DMBT1: variants seen among roughly 807,000 people sequenced by gnomAD.
DMBT1 encodes the protein scavenger receptor cysteine-rich domain-containing protein DMBT1.
Under a neutral mutation model 252.9 loss-of-function variants are expected in DMBT1, and 198 were observed. That is an observed-to-expected ratio of 0.78 (90% CI 0.70 to 0.88). The LOEUF is 0.88. DMBT1 is among the 40% of genes least tolerant of loss of function. The pLI, the probability that DMBT1 is intolerant of heterozygous loss-of-function variation, is 0.00. For missense variants in DMBT1, 2,432 were observed against 2,404.7 expected, an observed-to-expected ratio of 1.01 and a Z score of -0.24; for synonymous variants, 990 against 942.7, an observed-to-expected ratio of 1.05 and a Z score of -0.92.
intron 27 of DMBT1, 50 bp downstream of exon 27, chr10:122,600,143 T>A (rs1409518655): frequency 1.3e-5 from 20 of 1,591,092 alleles, no homozygotes; most frequent in Non-Finnish European, 1.7e-5. Context: ...TTCTGCCCAA[T>A]CACCCCTTCC....
At chr10:122,571,127 T>A (rs1255066941) in intron 4 of DMBT1, among the ~76,000 whole-genome samples, 190 bp downstream of exon 4, 2 of 152,226 alleles carry the variant, frequency 1.3e-5, no homozygotes, top group African/African-American at 4.8e-5. Flanking sequence ...TGAGCACGTG[T>A]TTGTACACGT....
intron 55 of DMBT1, 52 bp downstream of exon 55, chr10:122,640,501 C>G: frequency 6.5e-7 from 1 of 1,538,854 alleles, no homozygotes; most frequent in East Asian, 2.3e-5. Flanking sequence ...ATAACTCAAA[C>G]ATGAGTAGCC....
rs371780371 is a variant in DMBT1 at position 122,586,393 on chromosome 10, C to G, written c.1783+10C>G. 8 of 1,587,888 alleles carry G rather than the reference C, an allele frequency of 5.0e-6. 2 individuals are homozygous for G. The highest frequency in any genetic ancestry group is 6.9e-6 in the Non-Finnish European group (8 of 1,165,484). ...GGTGTCATCTGCTCAGGTGGGCCTCCAAGACTTTTGGTTTCCTCTCTTGGG... is the reference window on the plus strand; with the variant it reads ...GGTGTCATCTGCTCAGGTGGGCCTCGAAGACTTTTGGTTTCCTCTCTTGGG... On this transcript the variant is annotated intron_variant, in intron 16 of 55. Transcript: ENST00000338354.
At chr10:122,588,275 CTG>C (rs986995944) in intron 16 of DMBT1, among the ~76,000 whole-genome samples, 2 of 147,942 alleles carry the variant, frequency 1.4e-5, no homozygotes, top group African/African-American at 2.4e-5. Context: ...TTTCATATCC[CTG>C]TGCATTGAGT....
intron 1 of DMBT1, among the ~76,000 whole-genome samples, chr10:122,562,913 C>T (rs765359637): frequency 1.3e-5 from 2 of 152,234 alleles, no homozygotes; most frequent in Non-Finnish European, 2.9e-5. Flanking sequence ...TGTCCAAAGA[C>T]AGCACTGGTG....
Position 122,598,822 on chromosome 10 carries a change from G to A in DMBT1, c.3005G>A (p.Cys1002Tyr). 6.2e-7 allele frequency: 1 copy of A among 1,613,612 alleles called. No homozygotes were observed. Among genetic ancestry groups the A allele is most frequent in the Non-Finnish European group, 8.5e-7 (1 of 1,179,754 alleles). The change falls in exon 26 of 56, where the codon TGT becomes TAT. Residue 1002 changes from cysteine to tyrosine, a missense_variant. By Grantham distance (194) the Cys-to-Tyr change is radical. This residue lies in a region of DMBT1 where 1,264 missense variants were observed against 1,082.2 expected (regional missense o/e 1.17). Coordinates refer to ENST00000338354, the MANE Select transcript of DMBT1 (RefSeq NM_001377530.1). ...AGGCTGGTGAATGGAGGTGACAGGT[G>A]TCAGGGCCGAGTGGAGGTCCTATAC... ...ALRLVNGGDR[C>Y]QGRVEVLYQG...
intron 20 of DMBT1, among the ~76,000 whole-genome samples, chr10:122,593,171 G>C (rs556743133): frequency 6.7e-6 from 1 of 148,976 alleles, no homozygotes; most frequent in Admixed American, 6.6e-5. Flanking sequence ...GTCTGGTGTG[G>C]GGAGGGCAGC....
chr10:122,569,227 T>C (rs2097637472), intron 2 of DMBT1, among the ~76,000 whole-genome samples: 1 of 152,126 alleles, frequency 6.6e-6, no homozygotes. Flanking sequence ...GGATACCAAA[T>C]ATATATCTTC....
chr10:122,620,461 G>A (rs1189460642), intron 43 of DMBT1, among the ~76,000 whole-genome samples, 170 bp downstream of exon 43: 3 of 152,220 alleles, frequency 2.0e-5, no homozygotes, highest in African/African-American at 7.2e-5. Flanking sequence ...AGATGTTGGA[G>A]GCTGGAGGGT....
At chr10:122,590,148 G>C (rs1484550434) in intron 17 of DMBT1, among the ~76,000 whole-genome samples, 1 of 148,786 alleles carries the variant, frequency 6.7e-6, no homozygotes, top group Non-Finnish European at 1.5e-5. Flanking sequence ...GAAACACAAG[G>C]CTGGGAGTGC....
intron 3 of DMBT1, 43 bp from the exon 4 acceptor site, chr10:122,570,847 C>A (rs1367074706): frequency 6.2e-7 from 1 of 1,603,652 alleles, no homozygotes; most frequent in Admixed American, 1.7e-5. Context: ...CCTCCCCAAA[C>A]AAGGGCTACC....
In DMBT1 at chr10:122,631,213, A is replaced by G. The variant is rs1050749482; in HGVS notation, c.6278A>G (p.Gln2093Arg). ...TCAGGGACGGAATCCACTCTCTGGC[A>G]GTGCCGGAACCGAGGCTGGTTCTCC... ...ECSGTESTLW[Q>R]CRNRGWFSHN... Residue 2093 changes from glutamine to arginine, a missense_variant, in exon 49 of 56, where the codon CAG (glutamine) becomes CGG (arginine). Physicochemically the swap from Gln to Arg is conservative, Grantham distance 43. Around this residue, in one of 3 missense-constraint regions of DMBT1, gnomAD observed 1,162 missense variants for 1,169.0 expected, o/e 0.99. Coordinates refer to ENST00000338354, the MANE Select transcript of DMBT1 (RefSeq NM_001377530.1). The G allele has an allele frequency of 3.7e-6, 6 of 1,613,910 alleles. No homozygotes were observed. The highest frequency in any genetic ancestry group is 5.1e-6 in the Non-Finnish European group (6 of 1,179,908).
intron 55 of DMBT1, among the ~76,000 whole-genome samples, chr10:122,641,834 A>G (rs1457505232): frequency 2.0e-5 from 3 of 152,148 alleles, no homozygotes; most frequent in African/African-American, 7.2e-5. Context: ...TATTGGCTAC[A>G]CCTGGCCATC....
At position 122,592,440 on chromosome 10, in the gene DMBT1, C is replaced by G; in HGVS notation, c.2345C>G (p.Ala782Gly). Residue 782 changes from alanine to glycine, a missense_variant, in exon 20 of 56, where the codon GCC (alanine) becomes GGC (glycine). Around this residue, in one of 3 missense-constraint regions of DMBT1, gnomAD observed 1,264 missense variants for 1,082.2 expected, o/e 1.17. Transcript: ENST00000338354. ...RQLGCGWATS[A>G]PGNARFGQGS... ...CTGGGCTGTGGCTGGGCCACGTCGG[C>G]CCCAGGAAATGCCCGGTTTGGCCAG... The G allele has an allele frequency of 6.3e-7, 1 of 1,588,238 alleles. No individual in the cohort carries two copies. The highest frequency in any genetic ancestry group is 8.6e-7 in the Non-Finnish European group (1 of 1,165,722).
At chr10:122,624,169 TC>T (rs2098097104) in intron 44 of DMBT1, among the ~76,000 whole-genome samples, 1 of 152,090 alleles carries the variant, frequency 6.6e-6, no homozygotes, top group African/African-American at 2.4e-5. Flanking sequence ...CTCGGTTGCA[TC>T]CTGCTGCAGG....
intron 24 of DMBT1, 21 bp from the exon 25 acceptor site, chr10:122,597,953 T>G (rs1413420142): frequency 2.5e-6 from 4 of 1,613,904 alleles, no homozygotes; most frequent in Non-Finnish European, 3.4e-6. Context: ...ATTCTAGCCT[T>G]TGTCTCTGTT....
At chr10:122,617,882 G>T (rs754343368) in intron 40 of DMBT1, 135 bp from the exon 41 acceptor site, 4 of 1,457,936 alleles carry the variant, frequency 2.7e-6, no homozygotes, top group Non-Finnish European at 3.7e-6. Flanking sequence ...CTGAACCTCC[G>T]GTAGCAGTTG....
In DMBT1 at chr10:122,600,241, C is replaced by T. The variant is rs1028368927; in HGVS notation, c.3310+148C>T. The T allele has an allele frequency of 8.9e-6, 11 of 1,242,214 alleles. 1 individual carries two copies. The African/African-American group carries it at 9.7e-5, about 11-fold the overall frequency. The allele number at this position is 1,242,214 out of a possible 1,614,324, so 76.9% of individuals were successfully genotyped here. A position where few individuals can be genotyped will look rare whatever the true frequency, so the allele number is the denominator to read the frequency against. On this transcript the variant is annotated intron_variant, in intron 27 of 55. Transcript: ENST00000338354. ...CAACACCAGTTGTGTAACTGAGACC[C>T]CAGCACAGCGCTTTTTAAACACACA...
chr10:122,618,156 G>A lies in DMBT1; in HGVS notation c.5031G>A (p.Arg1677=), dbSNP rs1248319604. 11 of 1,613,982 alleles carry A rather than the reference G, an allele frequency of 6.8e-6. No individual in the cohort carries two copies. Among genetic ancestry groups the A allele is most frequent in the South Asian group, 1.1e-5 (1 of 91,076 alleles). ...WDTNDANVVC[R]QLGCGWAMSA... is the part of the protein sequence containing the mutation. ...CCAATGATGCCAACGTGGTCTGCAG[G>A]CAGCTGGGCTGTGGCTGGGCCATGT... Residue 1677 remains arginine, a synonymous_variant, in exon 41 of 56, where the codon AGG becomes AGA. Transcript: ENST00000338354.
Sources: gnomAD v4.1 joint callset for allele counts (sites outside exome capture counted in the v4.1 genomes callset) on GRCh38, gnomAD v4.1.1 for gene constraint, gnomAD v4.1.1 regional missense constraint, MANE v1.5 for transcripts, NCBI Gene and HGNC (gene_info 2026-07-23, HGNC 2026-07-21) for gene names.